The following OIP5 variants were observed in gnomAD, a reference collection of about 807,000 sequenced individuals.
OIP5 encodes the protein protein Mis18-beta.
In OIP5, 24 loss-of-function variants were observed where a neutral mutation model predicts 20.3. That is an observed-to-expected ratio of 1.18 (90% confidence interval 0.86 to 1.66). The LOEUF is 1.66. Ranked by LOEUF, OIP5 falls within the 40% of genes most tolerant of loss-of-function variation. OIP5 has a pLI of 0.00. For missense variants in OIP5, 339 were observed against 289.5 expected, an observed-to-expected ratio of 1.17 and a Z score of -1.24; for synonymous variants, 143 against 121.3, an observed-to-expected ratio of 1.18 and a Z score of -1.17.
intron 2 of OIP5, among the ~76,000 whole-genome samples, chr15:41,320,973 C>A (rs879523512): frequency 6.6e-6 from 1 of 151,496 alleles, no homozygotes; most frequent in Admixed American, 6.6e-5. Flanking sequence ...TGCCCGGCCG[C>A]GACCCTGCCT....
chr15:41,319,982 G>T (rs9302109), intron 2 of OIP5, among the ~76,000 whole-genome samples: 57,701 of 151,934 alleles, frequency 0.38, 12,080 homozygotes, highest in African/African-American at 0.57. Flanking sequence ...GGATACCCTC[G>T]TATATTCTGG....
intron 2 of OIP5, among the ~76,000 whole-genome samples, chr15:41,329,455 A>G (rs1452821920): frequency 6.6e-6 from 1 of 151,330 alleles, no homozygotes; most frequent in Non-Finnish European, 1.5e-5. Context: ...AGCTGGGACT[A>G]TAGGCGCTTG....
chr15:41,316,672 T>C (rs759539693), intron 3 of OIP5, among the ~76,000 whole-genome samples: 59 of 150,150 alleles, frequency 3.9e-4, no homozygotes, highest in Non-Finnish European at 7.8e-4. Flanking sequence ...CGCCTGTAGT[T>C]CCAGCTACTT....
intron 2 of OIP5, among the ~76,000 whole-genome samples, chr15:41,322,310 A>G (rs916351975): frequency 6.6e-6 from 1 of 152,252 alleles, no homozygotes; most frequent in Non-Finnish European, 1.5e-5. Context: ...AAGCACTTTA[A>G]GAAAATATTT....
At chr15:41,321,704 T>C (rs943735526) in intron 2 of OIP5, among the ~76,000 whole-genome samples, 1 of 151,736 alleles carries the variant, frequency 6.6e-6, no homozygotes, top group African/African-American at 2.4e-5. Flanking sequence ...ATGTGCTTTG[T>C]TAAACAGATG....
At chr15:41,325,868 T>A (rs1435704259) in intron 2 of OIP5, among the ~76,000 whole-genome samples, 14 of 92,906 alleles carry the variant, frequency 1.5e-4, no homozygotes, top group Admixed American at 4.2e-4. Context: ...AAAAAAAAAA[T>A]TGCATTACCT....
chr15:41,322,834 G>A (rs1048510262), intron 2 of OIP5, among the ~76,000 whole-genome samples: 3 of 151,894 alleles, frequency 2.0e-5, no homozygotes, highest in African/African-American at 7.3e-5. Context: ...ACTTAGGAGG[G>A]TGAGGCAGGA....
intron 2 of OIP5, among the ~76,000 whole-genome samples, chr15:41,325,757 G>A (rs1386272653): frequency 1.3e-5 from 2 of 151,664 alleles, no homozygotes; most frequent in South Asian, 2.1e-4. Flanking sequence ...GGCTGAGGCA[G>A]GAGAGTTGCT....
chr15:41,332,197 T>C, intron 1 of OIP5, 43 bp downstream of exon 1: 6 of 1,522,178 alleles, frequency 3.9e-6, no homozygotes, highest in Non-Finnish European at 4.4e-6. Flanking sequence ...GAACACCCTC[T>C]CGGGCTAGCC....
chr15:41,329,434 G>A (rs935988682), intron 2 of OIP5, among the ~76,000 whole-genome samples: 26 of 149,552 alleles, frequency 1.7e-4, no homozygotes, highest in Non-Finnish European at 2.5e-4. Context: ...TCCTGCCTCA[G>A]CCTCCCAAGT....
intron 4 of OIP5, among the ~76,000 whole-genome samples, chr15:41,313,070 G>A (rs1595498578): frequency 6.6e-6 from 1 of 152,230 alleles, no homozygotes; most frequent in East Asian, 1.9e-4. Flanking sequence ...CAGCAGTTGA[G>A]CAGCTTTTCC....
intron 2 of OIP5, among the ~76,000 whole-genome samples, chr15:41,323,216 C>T (rs544971592): frequency 2.6e-5 from 4 of 152,140 alleles, no homozygotes; most frequent in South Asian, 4.1e-4. Flanking sequence ...TCCATTCGGG[C>T]GCAATGGCTC....
chr15:41,330,501 T>C (rs905586769), intron 2 of OIP5, among the ~76,000 whole-genome samples: 1 of 151,378 alleles, frequency 6.6e-6, no homozygotes, highest in Non-Finnish European at 1.5e-5. Flanking sequence ...CCTCCCGGGT[T>C]CACGCCATTC....
rs539694387 is a variant in OIP5, at chr15:41,320,173, C to T, written c.390-393G>A. Among the ~76,000 whole-genome samples, 638 of 152,218 alleles carry T rather than the reference C, an allele frequency of 4.2e-3. 2 individuals carry two copies. Among genetic ancestry groups the T allele is most frequent in the Non-Finnish European group, 5.5e-3 (374 of 68,008 alleles). ...GAAAAATAATCAAGTTGACTGGGGC[C>T]TTACTAAACAAATTGTTCATAGAAC... On this transcript the variant is annotated intron_variant, in intron 2 of 4. Transcript: ENST00000220514.
At chr15:41,328,056 A>G (rs1163495215) in intron 2 of OIP5, among the ~76,000 whole-genome samples, 1 of 152,144 alleles carries the variant, frequency 6.6e-6, no homozygotes, top group Non-Finnish European at 1.5e-5. Context: ...CATCCTGGGT[A>G]AAAGAGCCAG....
chr15:41,319,611 T>TAAATA, intron 3 of OIP5, 47 bp downstream of exon 3: 1 of 1,550,736 alleles, frequency 6.4e-7, no homozygotes, highest in Middle Eastern at 1.7e-4. Context: ...TGTCTCAAAA[T>TAAATA]AAATAAAATA....
At chr15:41,312,394 C>T (rs1464126450) in intron 4 of OIP5, among the ~76,000 whole-genome samples, 5 of 151,288 alleles carry the variant, frequency 3.3e-5, no homozygotes, top group East Asian at 2.0e-4. Flanking sequence ...CTACTGATCT[C>T]GGGTTATCCA....
chr15:41,309,931 T>C, intron 4 of OIP5, 82 bp from the exon 5 acceptor site: 1 of 886,500 alleles, frequency 1.1e-6, no homozygotes, highest in South Asian at 1.6e-5. Context: ...CTCTGTTGCC[T>C]GAGCTGGAGT....
chr15:41,319,174 G>A (rs997236326), intron 3 of OIP5, among the ~76,000 whole-genome samples: 1 of 151,494 alleles, frequency 6.6e-6, no homozygotes, highest in South Asian at 2.1e-4. Context: ...TCAGGTTGAA[G>A]CAATTCTCTT....
Sources: allele counts gnomAD v4.1 joint callset (sites outside exome capture counted in the v4.1 genomes callset), GRCh38; gene constraint gnomAD v4.1.1; transcripts MANE v1.5; gene names NCBI Gene and HGNC (gene_info 2026-07-23, HGNC 2026-07-21).